KIRREL3: variants seen among roughly 807,000 people sequenced by gnomAD.
KIRREL3 encodes kirre like nephrin family adhesion molecule 3.
A neutral mutation model predicts 89.7 loss-of-function variants in KIRREL3; 36 were observed. The observed-to-expected ratio is 0.40, with a 90% CI of 0.31 to 0.53. The LOEUF is 0.53. Among genes scored for constraint, KIRREL3 ranks in the 20% least tolerant of loss-of-function variants. The probability of loss-of-function intolerance (pLI) is 0.49; values close to 1 mark genes in which losing one functional copy is unlikely to be tolerated. For synonymous variants in KIRREL3, 445 were observed against 441.4 expected (o/e 1.01, Z -0.10); for missense variants, 864 against 1,056.6 (o/e 0.82, Z 2.53).
rs1339561552 is a variant in KIRREL3, at chr11:126,526,870, C to A, written c.134-183G>T. ...GTCTCAGCCCCAGCTCTATTCCCTCCTATGGGGGCCTGGCTCCCAGCTCCA... is the reference window on the plus strand; with the variant it reads ...GTCTCAGCCCCAGCTCTATTCCCTCATATGGGGGCCTGGCTCCCAGCTCCA... On this transcript the variant is annotated intron_variant, in intron 2 of 16. Coordinates refer to ENST00000525144, the MANE Select transcript of KIRREL3 (RefSeq NM_032531.4). The surrounding 1 kb of genome is among the most constrained non-coding windows in gnomAD (Gnocchi z 5.7). Among the ~76,000 whole-genome samples, 1 of 152,186 alleles carries A rather than the reference C, an allele frequency of 6.6e-6. No homozygotes were observed. The highest frequency in any genetic ancestry group is 1.5e-5 in the Non-Finnish European group (1 of 68,022).
chr11:126,922,714 G>GCAGCAA (rs1743467704), intron 1 of KIRREL3, among the ~76,000 whole-genome samples: 2 of 151,230 alleles, frequency 1.3e-5, no homozygotes, highest in South Asian at 2.1e-4. Flanking sequence ...AGGAGCAGCA[G>GCAGCAA]CAACAACAAC....
intron 1 of KIRREL3, among the ~76,000 whole-genome samples, chr11:126,629,387 G>T (rs1308747804): frequency 1.3e-5 from 2 of 152,122 alleles, no homozygotes; most frequent in Non-Finnish European, 2.9e-5. Context: ...GCTCTGGGGG[G>T]AGCTCTGGGG....
chr11:126,956,367 CAA>C (rs1179753524), intron 1 of KIRREL3, among the ~76,000 whole-genome samples: 1 of 152,186 alleles, frequency 6.6e-6, no homozygotes, highest in Non-Finnish European at 1.5e-5. Context: ...TTCCATCTGA[CAA>C]AGTCTCTCCT....
At chr11:126,852,064 T>A (rs893883666) in intron 1 of KIRREL3, among the ~76,000 whole-genome samples, 6 of 149,684 alleles carry the variant, frequency 4.0e-5, no homozygotes, top group Non-Finnish European at 7.4e-5. Flanking sequence ...TTTTTTTTTT[T>A]TTTTTTTGAG....
intron 13 of KIRREL3, among the ~76,000 whole-genome samples, chr11:126,434,673 C>A (rs1460344781): frequency 6.6e-6 from 1 of 152,200 alleles, no homozygotes; most frequent in Non-Finnish European, 1.5e-5. Flanking sequence ...GAGAGCAACT[C>A]CGCCCAGGGG....
chr11:126,634,271 G>A (rs1944173240), intron 1 of KIRREL3, among the ~76,000 whole-genome samples: 1 of 152,350 alleles, frequency 6.6e-6, no homozygotes, highest in Non-Finnish European at 1.5e-5. Context: ...TAACAGCTGA[G>A]CATCTACTTT....
At position 126,677,035 on chromosome 11, in the gene KIRREL3, G is replaced by A. The variant is rs899438767; in HGVS notation, c.56-114123C>T. Among the ~76,000 whole-genome samples, 9 of 151,744 alleles carry A rather than the reference G, an allele frequency of 5.9e-5. No homozygotes were observed. Among genetic ancestry groups the A allele is most frequent in the South Asian group, 2.1e-4 (1 of 4,822 alleles). On this transcript the variant is annotated intron_variant, in intron 1 of 16. Transcript: ENST00000525144. The surrounding 1 kb of genome is among the most constrained non-coding windows in gnomAD (Gnocchi z 5.1). ...ACTCCTGGGCTCAAGTGATCCTCCC[G>A]CCTTGGCCTCTCAAAGATTTTTTTT...
In KIRREL3 at chr11:126,867,185, C is replaced by T. The variant is rs532742133; in HGVS notation, c.55+133270G>A. On this transcript the variant is annotated intron_variant, in intron 1 of 16. Coordinates refer to ENST00000525144, the MANE Select transcript of KIRREL3 (RefSeq NM_032531.4). This position sits in a 1 kb window ranked among gnomAD's most constrained non-coding sequence, Gnocchi z 4.7. ...AATCTGCCTGTCTGCCTGCTCCCCC[C>T]AGGGGTTTGAGCAGCGGGGCATCTA... 8.2e-4 allele frequency among the ~76,000 whole-genome samples: 125 copies of T among 152,352 alleles called. 1 individual carries two copies. The highest frequency in any genetic ancestry group is 2.7e-3 in the African/African-American group (114 of 41,588).
Position 126,430,988 on chromosome 11 carries a change from C to A in KIRREL3, c.1696+431G>T. On this transcript the variant is annotated intron_variant, in intron 14 of 16. Coordinates refer to ENST00000525144, the MANE Select transcript of KIRREL3 (RefSeq NM_032531.4). The surrounding 1 kb of genome is among the most constrained non-coding windows in gnomAD (Gnocchi z 6.6). ...TTTATTGCTTCCCCACCCACTCCCC[C>A]ACAGCTGTGTGAGTGACCTGCTTTT... 9.0e-7 allele frequency: 1 copy of A among 1,110,002 alleles called. No homozygotes were observed. The highest frequency in any genetic ancestry group is 1.1e-6 in the Non-Finnish European group (1 of 909,972). 68.8% of individuals were successfully genotyped at this position (1,110,002 alleles called of 1,614,324 possible). A position where few individuals can be genotyped will look rare whatever the true frequency, so the allele number is the denominator to read the frequency against.
intron 4 of KIRREL3, among the ~76,000 whole-genome samples, chr11:126,480,134 T>C (rs1179323345): frequency 1.3e-5 from 2 of 152,216 alleles, no homozygotes; most frequent in African/African-American, 4.8e-5. Context: ...ATGCATTTGC[T>C]GAGCTGAACT....
chr11:126,816,899 A>G (rs760780570), intron 1 of KIRREL3, among the ~76,000 whole-genome samples: 1 of 152,224 alleles, frequency 6.6e-6, no homozygotes, highest in Non-Finnish European at 1.5e-5. Context: ...GCATTAGCAC[A>G]GCACTGCTTC....
In KIRREL3 at chr11:126,562,150, T is replaced by C. The variant is rs1441790070; in HGVS notation, c.133+685A>G. Among the ~76,000 whole-genome samples, 1 of 152,200 alleles carries C rather than the reference T, an allele frequency of 6.6e-6. No homozygotes were observed. The highest frequency in any genetic ancestry group is 1.5e-5 in the Non-Finnish European group (1 of 68,038). On this transcript the variant is annotated intron_variant, in intron 2 of 16. Transcript: ENST00000525144. This position sits in a 1 kb window ranked among gnomAD's most constrained non-coding sequence, Gnocchi z 4.7. ...CTGATGGAGAGGGTTATTAGCTGCATGGAGACAGATGGCTAGGGATGGAGA... is the reference window on the plus strand; with the variant it reads ...CTGATGGAGAGGGTTATTAGCTGCACGGAGACAGATGGCTAGGGATGGAGA...
At position 126,906,699 on chromosome 11, in the gene KIRREL3, G is replaced by A. The variant is rs552528837; in HGVS notation, c.55+93756C>T. On this transcript the variant is annotated intron_variant, in intron 1 of 16. Coordinates refer to ENST00000525144, the MANE Select transcript of KIRREL3 (RefSeq NM_032531.4). This position sits in a 1 kb window ranked among gnomAD's most constrained non-coding sequence, Gnocchi z 4.1. The stretch of plus-strand genomic sequence containing the variant: ...TAAACCCAGAAGATGTGAACTGCAC[G>A]CATTATAAGGCAAATTAGATCCTGA... Among the ~76,000 whole-genome samples, 31 of 152,196 alleles carry A rather than the reference G, an allele frequency of 2.0e-4. No homozygotes were observed. Among genetic ancestry groups the A allele is most frequent in the African/African-American group, 6.7e-4 (28 of 41,510 alleles).
intron 1 of KIRREL3, among the ~76,000 whole-genome samples, chr11:126,779,183 G>A (rs1308784489): frequency 6.6e-6 from 1 of 152,164 alleles, no homozygotes; most frequent in Non-Finnish European, 1.5e-5. Flanking sequence ...GCTCCTCATT[G>A]TCCATACATG....
At chr11:126,871,836 G>C (rs990431411) in intron 1 of KIRREL3, among the ~76,000 whole-genome samples, 9 of 152,192 alleles carry the variant, frequency 5.9e-5, no homozygotes, top group Admixed American at 5.2e-4. Context: ...ATCAGGTCCT[G>C]AACACTGAAG....
At position 126,710,260 on chromosome 11, in the gene KIRREL3, G is replaced by A. The variant is rs1363684946; in HGVS notation, c.56-147348C>T. ...CTCGGAGCAGTGCCTTGTCTTAGGG[G>A]GGCATGTTCACTGAACTCATGAGGT... is the stretch of plus-strand genomic sequence containing the variant. On this transcript the variant is annotated intron_variant, in intron 1 of 16. Transcript: ENST00000525144. This position sits in a 1 kb window ranked among gnomAD's most constrained non-coding sequence, Gnocchi z 4.2. Among the ~76,000 whole-genome samples the A allele has an allele frequency of 1.3e-5, 2 of 152,128 alleles. No homozygotes were observed. Among genetic ancestry groups the A allele is most frequent in the Non-Finnish European group, 2.9e-5 (2 of 68,022 alleles).
chr11:126,624,303 C>G lies in KIRREL3; in HGVS notation c.56-61391G>C, dbSNP rs1045787976. On this transcript the variant is annotated intron_variant, in intron 1 of 16. Transcript: ENST00000525144. This position sits in a 1 kb window ranked among gnomAD's most constrained non-coding sequence, Gnocchi z 6.0. ...CATCAGTTATTCTCCCCAAACAGAT[C>G]ATTCTTGTCTTCTCCTCTGATTTCC... 1.3e-5 allele frequency among the ~76,000 whole-genome samples: 2 copies of G among 152,166 alleles called. No homozygotes were observed. The highest frequency in any genetic ancestry group is 2.9e-5 in the Non-Finnish European group (2 of 68,024).
chr11:126,751,239 C>G (rs1949325805), intron 1 of KIRREL3, among the ~76,000 whole-genome samples: 1 of 152,204 alleles, frequency 6.6e-6, no homozygotes, highest in Non-Finnish European at 1.5e-5. Flanking sequence ...CTGTCTTATT[C>G]TGAAAGGTCT....
In KIRREL3 at chr11:126,883,661, C is replaced by T; in HGVS notation, c.55+116794G>A. On this transcript the variant is annotated intron_variant, in intron 1 of 16. Transcript: ENST00000525144. This position sits in a 1 kb window ranked among gnomAD's most constrained non-coding sequence, Gnocchi z 4.1. ...CTCTATTTTAGCATTTACTTCCTTA[C>T]ACATAGACTTTTTCCATTCCCACTT... Among the ~76,000 whole-genome samples, 1 of 152,128 alleles carries T rather than the reference C, an allele frequency of 6.6e-6. No homozygotes were observed.
Sources: gnomAD v4.1 joint callset for allele counts (sites outside exome capture counted in the v4.1 genomes callset) on GRCh38, gnomAD v4.1.1 for gene constraint, Gnocchi (gnomAD v3.1) non-coding constraint, MANE v1.5 for transcripts, NCBI Gene and HGNC (gene_info 2026-07-23, HGNC 2026-07-21) for gene names.